Variants in ASCC3 observed in about 807,000 individuals in gnomAD.
ASCC3 encodes activating signal cointegrator 1 complex subunit 3, also known as ASC-1 complex subunit P200.
A neutral mutation model predicts 256.3 loss-of-function variants in ASCC3; 158 were observed. That is an observed-to-expected ratio of 0.62 (90% CI 0.54 to 0.70). The LOEUF is 0.70. ASCC3 is among the 30% of genes least tolerant of loss of function. The probability of loss-of-function intolerance (pLI) is 0.00; values close to 1 mark genes in which losing one functional copy is unlikely to be tolerated. For missense variants in ASCC3, 2,259 were observed against 2,626.0 expected (o/e 0.86, Z 3.05); for synonymous variants, 948 against 883.4 (o/e 1.07, Z -1.30).
rs750727482 is a variant in ASCC3, at chr6:100,662,392, T to A, written c.2431A>T (p.Thr811Ser). 1 of 1,613,214 alleles carries A rather than the reference T, an allele frequency of 6.2e-7. No homozygotes were observed. The highest frequency in any genetic ancestry group is 8.5e-7 in the Non-Finnish European group (1 of 1,179,434). The change falls in exon 15 of 42, where the codon ACG becomes TCG. Residue 811 changes from threonine (T) to serine (S), a missense_variant. Around this residue, in one of 2 missense-constraint regions of ASCC3, gnomAD observed 1,839 missense variants for 2,206.7 expected, o/e 0.83. Transcript: ENST00000369162. Reference protein sequence around the residue: ...GHIKVLVCTATLAWGVNLPAH... With the variant: ...GHIKVLVCTASLAWGVNLPAH... ...GGAAGATTGACACCCCAGGCTAACG[T>A]AGCTGTACACACTAGGACTTTGATA... is the stretch of plus-strand genomic sequence containing the variant.
intron 14 of ASCC3, among the ~76,000 whole-genome samples, chr6:100,664,427 AC>A (rs1351043784): frequency 6.6e-6 from 1 of 152,092 alleles, no homozygotes; most frequent in African/African-American, 2.4e-5. Flanking sequence ...CAATTATAAA[AC>A]CAAAAGTAAT....
At chr6:100,600,713 C>T (rs906938343) in intron 34 of ASCC3, among the ~76,000 whole-genome samples, 4 of 151,994 alleles carry the variant, frequency 2.6e-5, no homozygotes, top group African/African-American at 7.2e-5. Context: ...TTAACATTGA[C>T]CCTCCCTCCA....
In ASCC3 at chr6:100,642,643, T is replaced by C; in HGVS notation, c.3839A>G (p.Glu1280Gly). Reference protein sequence around the residue: ...RAVSDRWLGAEAVCIINFQHL... With the variant: ...RAVSDRWLGAGAVCIINFQHL... ...TTGAAAGTTGATAATACATACTGCC[T>C]CAGCACCCAACCATCTATCAGACAC... Residue 1280 changes from glutamate to glycine, a missense_variant, in exon 24 of 42, where the codon GAG (glutamate) becomes GGG (glycine). This residue lies in a region of ASCC3 where 1,839 missense variants were observed against 2,206.7 expected (regional missense o/e 0.83). Transcript: ENST00000369162. The C allele has an allele frequency of 6.2e-7, 1 of 1,614,020 alleles. No individual in the cohort carries two copies. The highest frequency in any genetic ancestry group is 2.2e-5 in the East Asian group (1 of 44,842).
rs1773028902 is a variant in ASCC3 at position 100,608,097 on chromosome 6, C to CACATATATATGTATATATCTATATAT, written c.4786-1010_4786-1009insATATATAGATATATACATATATATGT. ...ATATATATGTATATATATCTATATA[C>CACATATATATGTATATATCTATATAT]ACATATATATGTATATATATCTATA... On this transcript the variant is annotated intron_variant, in intron 30 of 41. Coordinates refer to ENST00000369162, the MANE Select transcript of ASCC3 (RefSeq NM_006828.4). 4.9e-4 allele frequency among the ~76,000 whole-genome samples: 22 copies of CACATATATATGTATATATCTATATAT among 45,012 alleles called. 2 individuals carry two copies. The South Asian group carries it at 0.011, about 22-fold the overall frequency. 29.5% of individuals were successfully genotyped at this position (45,012 alleles called of 152,430 possible).
intron 3 of ASCC3, among the ~76,000 whole-genome samples, chr6:100,851,031 T>C (rs923606532): frequency 6.6e-6 from 1 of 152,108 alleles, no homozygotes; most frequent in African/African-American, 2.4e-5. Context: ...TGGGATTTTT[T>C]TAAAAATAAT....
chr6:100,850,091 ACTCT>A (rs1772585974), intron 3 of ASCC3, among the ~76,000 whole-genome samples: 1 of 118,198 alleles, frequency 8.5e-6, no homozygotes, highest in Non-Finnish European at 1.7e-5. Flanking sequence ...CAGAATTGAG[ACTCT>A]ATCAAAAAAA....
chr6:100,655,224 A>G (rs1228769036), intron 17 of ASCC3, among the ~76,000 whole-genome samples: 1 of 151,908 alleles, frequency 6.6e-6, no homozygotes, highest in Non-Finnish European at 1.5e-5. Context: ...TATGGACTTG[A>G]ATAGTGGAAC....
At chr6:100,605,507 C>G (rs893513701) in intron 33 of ASCC3, 61 bp downstream of exon 33, 1 of 1,245,726 alleles carries the variant, frequency 8.0e-7, no homozygotes, top group African/African-American at 1.5e-5. Flanking sequence ...TAAAATATAA[C>G]CAGAAAAACA....
intron 3 of ASCC3, 67 bp from the exon 4 acceptor site, chr6:100,848,774 A>C: frequency 1.4e-6 from 2 of 1,432,342 alleles, no homozygotes; most frequent in South Asian, 2.3e-5. Flanking sequence ...ATCTTCCAAA[A>C]AATTACCACA....
chr6:100,593,484 A>ATGAAATT (rs1772111471), intron 34 of ASCC3, among the ~76,000 whole-genome samples: 1 of 152,184 alleles, frequency 6.6e-6, no homozygotes, highest in African/African-American at 2.4e-5. Flanking sequence ...TCAAATCTTA[A>ATGAAATT]TACTGATGAA....
chr6:100,644,164 T>C (rs775099414), intron 22 of ASCC3, 35 bp from the exon 23 acceptor site: 1 of 1,388,450 alleles, frequency 7.2e-7, no homozygotes. Flanking sequence ...ACTATGCATA[T>C]CATAACTCAA....
intron 10 of ASCC3, among the ~76,000 whole-genome samples, chr6:100,728,390 G>A (rs1006526789): frequency 9.2e-5 from 14 of 151,700 alleles, no homozygotes; most frequent in African/African-American, 3.1e-4. Context: ...CTAAAGTAAC[G>A]GTGGAATATA....
intron 33 of ASCC3, among the ~76,000 whole-genome samples, 171 bp downstream of exon 33, chr6:100,605,397 C>T (rs1772831890): frequency 6.6e-6 from 1 of 152,118 alleles, no homozygotes; most frequent in African/African-American, 2.4e-5. Context: ...TTATTTTTAA[C>T]ATTTAAATTA....
intron 4 of ASCC3, among the ~76,000 whole-genome samples, chr6:100,846,382 C>G (rs1445463816): frequency 4.6e-5 from 7 of 152,134 alleles, no homozygotes; most frequent in Non-Finnish European, 1.0e-4. Context: ...CATATACGAA[C>G]AGGAAAACCA....
intron 36 of ASCC3, among the ~76,000 whole-genome samples, chr6:100,582,467 CA>C (rs1411571228): frequency 1.3e-5 from 2 of 151,320 alleles, no homozygotes; most frequent in Non-Finnish European, 3.0e-5. Context: ...AGTTGCTTAT[CA>C]GCTGAAGGAG....
At chr6:100,611,974 A>C (rs1396923407) in intron 30 of ASCC3, among the ~76,000 whole-genome samples, 5 of 151,996 alleles carry the variant, frequency 3.3e-5, no homozygotes, top group South Asian at 4.1e-4. Context: ...TCTTTCCAAT[A>C]AATAGCCTTT....
chr6:100,649,302 C>T (rs1284074994), intron 20 of ASCC3, among the ~76,000 whole-genome samples: 1 of 151,510 alleles, frequency 6.6e-6, no homozygotes, highest in Non-Finnish European at 1.5e-5. Context: ...CATCCAGAAC[C>T]CAGTAAAACT....
At chr6:100,815,716 C>G (rs1178965393) in intron 4 of ASCC3, among the ~76,000 whole-genome samples, 1 of 152,030 alleles carries the variant, frequency 6.6e-6, no homozygotes, top group Non-Finnish European at 1.5e-5. Flanking sequence ...TAGCCATAGG[C>G]AGAAGACTGA....
In ASCC3 at chr6:100,878,540, C is replaced by T. The variant is rs1266247202; in HGVS notation, c.-42+2521G>A. Among the ~76,000 whole-genome samples, 3 of 152,110 alleles carry T rather than the reference C, an allele frequency of 2.0e-5. No homozygotes were observed. The South Asian group carries it at 6.2e-4, about 32-fold the overall frequency. On this transcript the variant is annotated intron_variant, in intron 1 of 41. Transcript: ENST00000369162. ...TCAGAAAGAAAATTCCAGAATATCCCACAAAGATGAAACGAGCACAAGAAA... is the reference window on the plus strand; with the variant it reads ...TCAGAAAGAAAATTCCAGAATATCCTACAAAGATGAAACGAGCACAAGAAA...
Sources: gnomAD v4.1 joint callset for allele counts (sites outside exome capture counted in the v4.1 genomes callset) on GRCh38, gnomAD v4.1.1 for gene constraint, gnomAD v4.1.1 regional missense constraint, MANE v1.5 for transcripts, NCBI Gene and HGNC (gene_info 2026-07-23, HGNC 2026-07-21) for gene names.